Variants in LYAR observed in about 807,000 individuals in gnomAD.
The protein encoded by LYAR is cell growth-regulating nucleolar protein.
Under a neutral mutation model 45.2 loss-of-function variants are expected in LYAR, and 37 were observed. The ratio of observed to expected loss-of-function variants is 0.82; its 90% confidence interval spans 0.63 to 1.08. The LOEUF (loss-of-function observed/expected upper bound fraction) is 1.08. LYAR is among the 50% of genes least tolerant of loss of function. The probability of loss-of-function intolerance (pLI) is 0.00; values close to 1 mark genes in which losing one functional copy is unlikely to be tolerated. For synonymous variants in LYAR, 176 were observed against 155.1 expected (o/e 1.14, Z -1.00); for missense variants, 493 against 451.0 (o/e 1.09, Z -0.84).
chr4:4,275,100 G>A lies in LYAR; in HGVS notation c.430-331C>T, dbSNP rs115723196. Among the ~76,000 whole-genome samples, 891 of 152,272 alleles carry A rather than the reference G, an allele frequency of 5.9e-3. 7 individuals carry two copies. The highest frequency in any genetic ancestry group is 0.02 in the African/African-American group (827 of 41,536). On this transcript the variant is annotated intron_variant, in intron 6 of 9. Coordinates refer to ENST00000343470, the MANE Select transcript of LYAR (RefSeq NM_017816.3). ...TTTTAGATAAGAGAAGAGTACTTAGGGGTGGTAGAAACCACTGGATGTTAT... is the reference window on the plus strand; with the variant it reads ...TTTTAGATAAGAGAAGAGTACTTAGAGGTGGTAGAAACCACTGGATGTTAT...
At chr4:4,281,726 T>C (rs1296473927) in intron 4 of LYAR, 57 bp downstream of exon 4, 1 of 1,309,886 alleles carries the variant, frequency 7.6e-7, no homozygotes, top group South Asian at 1.2e-5. Context: ...CTCTTGGGCT[T>C]CCAAAGAAAG....
At chr4:4,285,153 G>A (rs765664978) in intron 2 of LYAR, among the ~76,000 whole-genome samples, 9 of 151,464 alleles carry the variant, frequency 5.9e-5, no homozygotes, top group Admixed American at 4.8e-4. Flanking sequence ...CAGCTTCTAC[G>A]CTACATACAA....
chr4:4,275,962 G>A (rs987165543), intron 6 of LYAR, among the ~76,000 whole-genome samples: 13 of 152,148 alleles, frequency 8.5e-5, no homozygotes, highest in Non-Finnish European at 1.8e-4. Flanking sequence ...TCCCAAAGTG[G>A]TGGGATTACA....
At chr4:4,271,006 TTG>T (rs1210816765) in intron 8 of LYAR, among the ~76,000 whole-genome samples, 1 of 152,254 alleles carries the variant, frequency 6.6e-6, no homozygotes, top group Non-Finnish European at 1.5e-5. Flanking sequence ...ATTTATCCTT[TTG>T]TGTTACAAAC....
At chr4:4,274,939 T>C (rs1719119946) in intron 6 of LYAR, among the ~76,000 whole-genome samples, 170 bp from the exon 7 acceptor site, 1 of 152,180 alleles carries the variant, frequency 6.6e-6, no homozygotes, top group East Asian at 1.9e-4. Context: ...TAGCAGTAAA[T>C]ATACAAAATG....
At position 4,274,697 on chromosome 4, in the gene LYAR, T is replaced by C. The variant is rs150811602; in HGVS notation, c.502A>G (p.Lys168Glu). The change falls in exon 7 of 10, where the codon AAG (lysine) becomes GAG (glutamate). Residue 168 changes from lysine (K) to glutamate (E), a missense_variant. Physicochemically the swap from Lys to Glu is moderately conservative, Grantham distance 56. Transcript: ENST00000343470. ...VANPHAEIST[K>E]VPASKVKDAV... is the part of the protein sequence containing the mutation. ...TCTTTCACTTTGGAGGCTGGAACCTTGGTGGAGATTTCTGCATGTGGATTT... is the reference window on the plus strand; with the variant it reads ...TCTTTCACTTTGGAGGCTGGAACCTCGGTGGAGATTTCTGCATGTGGATTT... The C allele has an allele frequency of 1.9e-5, 31 of 1,614,008 alleles. No individual in the cohort carries two copies. Among genetic ancestry groups the C allele is most frequent in the Non-Finnish European group, 2.5e-5 (29 of 1,180,000 alleles).
At position 4,267,998 on chromosome 4, in the gene LYAR, G is replaced by A; in HGVS notation, c.1031C>T (p.Thr344Ile). 1 of 1,611,662 alleles carries A rather than the reference G, an allele frequency of 6.2e-7. No homozygotes were observed. The change falls in exon 10 of 10, where the codon ACA becomes ATA. Residue 344 changes from threonine to isoleucine, a missense_variant. Physicochemically the swap from Thr to Ile is moderately conservative, Grantham distance 89. Coordinates refer to ENST00000343470, the MANE Select transcript of LYAR (RefSeq NM_017816.3). The part of the protein sequence containing the change: ...KKVLAQYYTV[T>I]DEHHRSEEEL... ...CTCTTCGGATCTGTGATGCTCATCT[G>A]TCACTGTGTAGTACTGAGCTAAAAC...
intron 8 of LYAR, among the ~76,000 whole-genome samples, chr4:4,273,373 C>T (rs1204127229): frequency 1.3e-5 from 2 of 152,154 alleles, no homozygotes; most frequent in East Asian, 1.9e-4. Flanking sequence ...GGGCATCTCT[C>T]GGCCCCTCTC....
At chr4:4,280,986 T>C (rs950486907) in intron 4 of LYAR, among the ~76,000 whole-genome samples, 9 of 152,248 alleles carry the variant, frequency 5.9e-5, no homozygotes, top group African/African-American at 1.7e-4. Context: ...CTGAGAGTTA[T>C]ACTTCCCAGT....
intron 4 of LYAR, 132 bp from the exon 5 acceptor site, chr4:4,279,881 T>C (rs1277343920): frequency 4.8e-6 from 3 of 620,858 alleles, no homozygotes; most frequent in South Asian, 4.1e-5. Context: ...TTTATGTCTA[T>C]GCTTAAAAAT....
Position 4,267,744 on chromosome 4 carries a change from G to C in LYAR, c.*145C>G, listed in dbSNP as rs1288895065. 2.5e-5 allele frequency: 14 copies of C among 552,006 alleles called. No homozygotes were observed. In the East Asian group the frequency reaches 4.7e-4, roughly 19 times the overall value. The allele number at this position is 552,006 out of a possible 1,614,324, so 34.2% of individuals were successfully genotyped here. A position where few individuals can be genotyped will look rare whatever the true frequency, so the allele number is the denominator to read the frequency against. ...AATATATTTTATTTTTCTCATAAAA[G>C]TTATACCAAAAATATATTTTCTTAA... On this transcript the variant is annotated 3_prime_UTR_variant, in exon 10 of 10. Coordinates refer to ENST00000343470, the MANE Select transcript of LYAR (RefSeq NM_017816.3).
At position 4,270,217 on chromosome 4, in the gene LYAR, A is replaced by G. The variant is rs78632450; in HGVS notation, c.920-1602T>C. ...CCCTGTCTCGAAAAATAAAAATAAA[A>G]TACAGTAACACATTAAATTGTACAC... On this transcript the variant is annotated intron_variant, in intron 8 of 9. Transcript: ENST00000343470. 4.6e-5 allele frequency among the ~76,000 whole-genome samples: 7 copies of G among 151,826 alleles called. No homozygotes were observed. In the East Asian group the frequency reaches 9.7e-4, roughly 21 times the overall value.
intron 4 of LYAR, among the ~76,000 whole-genome samples, chr4:4,280,511 T>C (rs1387783755): frequency 6.6e-6 from 1 of 152,172 alleles, no homozygotes; most frequent in Non-Finnish European, 1.5e-5. Flanking sequence ...TCTCATATTT[T>C]CTGATTTCAA....
chr4:4,280,384 T>C (rs888187355), intron 4 of LYAR, among the ~76,000 whole-genome samples: 1 of 152,178 alleles, frequency 6.6e-6, no homozygotes, highest in Non-Finnish European at 1.5e-5. Context: ...CAAAATCCAA[T>C]GTGTGTGTAT....
intron 4 of LYAR, among the ~76,000 whole-genome samples, chr4:4,281,238 T>TC (rs1472401845): frequency 6.6e-6 from 1 of 152,094 alleles, no homozygotes; most frequent in Admixed American, 6.6e-5. Context: ...ATTCTAAAAC[T>TC]TTTTTTTCAA....
At chr4:4,272,284 A>G (rs1718968749) in intron 8 of LYAR, among the ~76,000 whole-genome samples, 1 of 152,212 alleles carries the variant, frequency 6.6e-6, no homozygotes, top group Non-Finnish European at 1.5e-5. Context: ...TTACAACTGC[A>G]TGTGAGTCTA....
intron 3 of LYAR, among the ~76,000 whole-genome samples, chr4:4,282,565 G>C (rs116781413): frequency 0.018 from 2,750 of 152,208 alleles, 74 homozygotes; most frequent in African/African-American, 0.061. Context: ...AATTAAAAGA[G>C]AGTATTAGCC....
At chr4:4,278,433 AG>A (rs2108845095) in intron 6 of LYAR, among the ~76,000 whole-genome samples, 1 of 152,328 alleles carries the variant, frequency 6.6e-6, no homozygotes, top group Non-Finnish European at 1.5e-5. Context: ...GTCCACATTT[AG>A]GGTCTCTATT....
chr4:4,283,841 T>G, intron 2 of LYAR, 46 bp from the exon 3 acceptor site: 1 of 878,246 alleles, frequency 1.1e-6, no homozygotes, highest in South Asian at 2.2e-5. Context: ...AACTTCTCAT[T>G]TCAATAAATG....
Sources: gnomAD v4.1 joint callset for allele counts (sites outside exome capture counted in the v4.1 genomes callset) on GRCh38, gnomAD v4.1.1 for gene constraint, MANE v1.5 for transcripts, NCBI Gene and HGNC (gene_info 2026-07-23, HGNC 2026-07-21) for gene names.